The following NT5E variants were observed in gnomAD, a reference collection of about 807,000 sequenced individuals.
The protein encoded by NT5E is 5'-nucleotidase.
NT5E carries 53 observed loss-of-function variants against 55.1 expected under a neutral mutation model. The ratio of observed to expected loss-of-function variants is 0.96; its 90% CI spans 0.77 to 1.21. NT5E has a LOEUF of 1.21. Ranked by LOEUF, NT5E falls within the 50% of genes most tolerant of loss-of-function variation. The pLI is 0.00. For synonymous variants in NT5E, 270 were observed against 278.4 expected (o/e 0.97, Z 0.30); for missense variants, 683 against 724.3 (o/e 0.94, Z 0.65).
intron 3 of NT5E, among the ~76,000 whole-genome samples, chr6:85,484,182 C>T (rs914269834): frequency 1.3e-5 from 2 of 152,114 alleles, no homozygotes; most frequent in Admixed American, 6.5e-5. Context: ...CTAATAGGAA[C>T]GACTAGCCAT....
At chr6:85,481,123 T>C (rs1263055203) in intron 3 of NT5E, among the ~76,000 whole-genome samples, 1 of 152,134 alleles carries the variant, frequency 6.6e-6, no homozygotes, top group Non-Finnish European at 1.5e-5. Context: ...ACTCCTTAAG[T>C]TGTCATTCAA....
chr6:85,488,191 G>A (rs1444636260), intron 5 of NT5E, among the ~76,000 whole-genome samples: 1 of 152,148 alleles, frequency 6.6e-6, no homozygotes, highest in African/African-American at 2.4e-5. Context: ...GTCACCAGGC[G>A]GAATGGCCAT....
At chr6:85,462,522 C>T (rs571256992) in intron 1 of NT5E, among the ~76,000 whole-genome samples, 1 of 152,330 alleles carries the variant, frequency 6.6e-6, no homozygotes, top group South Asian at 2.1e-4. Flanking sequence ...CTGCAGACGT[C>T]TGTCTCTGGT....
At position 85,467,318 on chromosome 6, in the gene NT5E, A is replaced by G. The variant is rs144900984; in HGVS notation, c.562+36A>G. The G allele has an allele frequency of 2.0e-6, 3 of 1,534,008 alleles. No homozygotes were observed. The East Asian group carries it at 6.8e-5, about 35-fold the overall frequency. ...CTTTTATAGCACTCAATGCTTGAAAATAGATGCCCTAAATCACAGCTTGGC... is the reference window on the plus strand; with the variant it reads ...CTTTTATAGCACTCAATGCTTGAAAGTAGATGCCCTAAATCACAGCTTGGC... On this transcript the variant is annotated intron_variant, in intron 2 of 8. Coordinates refer to ENST00000257770, the MANE Select transcript of NT5E (RefSeq NM_002526.4).
rs1769216288 is a variant in NT5E at position 85,467,272 on chromosome 6, CTCAAATCCA to C, written c.553_561del (p.Ser185_Pro187del). 1 of 1,613,732 alleles carries C rather than the reference CTCAAATCCA, an allele frequency of 6.2e-7. No homozygotes were observed. Among genetic ancestry groups the C allele is most frequent in the South Asian group, 1.1e-5 (1 of 91,076 alleles). ...ACACTTCCAAAGAAACCCCTTTTCT[CTCAAATCCA>C]GGTATTTTCTACTTTTATAGCACTC... On this transcript the variant is annotated inframe_deletion and splice_region_variant, in exon 2 of 9. Transcript: ENST00000257770.
intron 2 of NT5E, 122 bp from the exon 3 acceptor site, chr6:85,471,115 G>A: frequency 1.8e-6 from 1 of 563,996 alleles, no homozygotes; most frequent in South Asian, 2.9e-5. Flanking sequence ...AATATGTTTT[G>A]GTTTTACTGA....
At chr6:85,490,480 T>C in intron 6 of NT5E, 28 bp from the exon 7 acceptor site, 5 of 1,614,078 alleles carry the variant, frequency 3.1e-6, no homozygotes, top group Non-Finnish European at 3.4e-6. Flanking sequence ...GCTATTTTCC[T>C]TCTTGCCTCA....
chr6:85,489,658 G>C (rs780583767), intron 6 of NT5E, 59 bp downstream of exon 6: 16 of 1,282,422 alleles, frequency 1.2e-5, no homozygotes, highest in Non-Finnish European at 1.8e-5. Context: ...CTCCTTTTCT[G>C]TTATGGTTCT....
chr6:85,472,071 C>T (rs1769321661), intron 3 of NT5E, among the ~76,000 whole-genome samples: 1 of 152,186 alleles, frequency 6.6e-6, no homozygotes, highest in Non-Finnish European at 1.5e-5. Context: ...GATTTTTCCA[C>T]TTTAAACCTA....
chr6:85,484,996 G>A (rs778092420), intron 3 of NT5E, among the ~76,000 whole-genome samples: 3 of 152,136 alleles, frequency 2.0e-5, no homozygotes, highest in Non-Finnish European at 4.4e-5. Context: ...CACAATGCCC[G>A]GGTCTTAGGA....
intron 3 of NT5E, among the ~76,000 whole-genome samples, chr6:85,472,453 A>G (rs1187555402): frequency 6.6e-6 from 1 of 152,222 alleles, no homozygotes; most frequent in Non-Finnish European, 1.5e-5. Flanking sequence ...TGCAATCGGA[A>G]AGCAAAATAT....
chr6:85,471,853 T>TAGGTTG (rs1408044857), intron 3 of NT5E, among the ~76,000 whole-genome samples: 3 of 152,172 alleles, frequency 2.0e-5, no homozygotes, highest in African/African-American at 7.2e-5. Context: ...ATTTGATTTG[T>TAGGTTG]AGGTTGCACA....
intron 2 of NT5E, among the ~76,000 whole-genome samples, chr6:85,469,534 G>A (rs907722484): frequency 6.6e-6 from 1 of 152,178 alleles, no homozygotes; most frequent in African/African-American, 2.4e-5. Context: ...GAGGGGAATG[G>A]CAAGTGCAGC....
In NT5E at chr6:85,494,217, A is replaced by G. The variant is rs1769845782; in HGVS notation, c.*213A>G. ...AAAAAAAATTAACATAGGGCCCTAT[A>G]AGGAGAAAGCCAACTATGTTAAGTT... On this transcript the variant is annotated 3_prime_UTR_variant, in exon 9 of 9. Coordinates refer to ENST00000257770, the MANE Select transcript of NT5E (RefSeq NM_002526.4). 3.5e-6 allele frequency: 2 copies of G among 569,566 alleles called. No homozygotes were observed. The highest frequency in any genetic ancestry group is 4.7e-5 in the South Asian group (2 of 42,898). The allele number at this position is 569,566 out of a possible 1,614,324, so 35.3% of individuals were successfully genotyped here.
chr6:85,464,940 A>C lies in NT5E; in HGVS notation c.340-2120A>C, dbSNP rs1769161292. On this transcript the variant is annotated intron_variant, in intron 1 of 8. Coordinates refer to ENST00000257770, the MANE Select transcript of NT5E (RefSeq NM_002526.4). ...GCCAAGACAGTGAGTCACAGGGAAGAGGCTTTGAGCCTGGTAAGCTTGGGA... is the reference window on the plus strand; with the variant it reads ...GCCAAGACAGTGAGTCACAGGGAAGCGGCTTTGAGCCTGGTAAGCTTGGGA... Among the ~76,000 whole-genome samples the C allele has an allele frequency of 2.6e-5, 4 of 152,314 alleles. No individual in the cohort carries two copies. The South Asian group carries it at 8.3e-4, about 32-fold the overall frequency.
intron 7 of NT5E, 137 bp downstream of exon 7, chr6:85,490,794 C>G: frequency 2.2e-6 from 2 of 899,844 alleles, no homozygotes; most frequent in Non-Finnish European, 3.5e-6. Context: ...CAATACCTTA[C>G]CCTTTAATGG....
At chr6:85,462,882 C>A (rs148426422) in intron 1 of NT5E, among the ~76,000 whole-genome samples, 2 of 152,364 alleles carry the variant, frequency 1.3e-5, no homozygotes, top group Admixed American at 1.3e-4. Context: ...CACAGCCTGG[C>A]ACTCCAGTAG....
chr6:85,486,481 A>G (rs1307825712), intron 4 of NT5E, among the ~76,000 whole-genome samples: 1 of 151,958 alleles, frequency 6.6e-6, no homozygotes, highest in East Asian at 1.9e-4. Flanking sequence ...TCTTATCCAT[A>G]TGGACAGGCC....
intron 3 of NT5E, among the ~76,000 whole-genome samples, chr6:85,481,681 G>A (rs911819796): frequency 1.3e-5 from 2 of 152,220 alleles, no homozygotes; most frequent in African/African-American, 2.4e-5. Context: ...GGAATGGGAA[G>A]AGGCTAAGAA....
Sources: gnomAD v4.1 joint callset for allele counts (sites outside exome capture counted in the v4.1 genomes callset) on GRCh38, gnomAD v4.1.1 for gene constraint, MANE v1.5 for transcripts, NCBI Gene and HGNC (gene_info 2026-07-23, HGNC 2026-07-21) for gene names.